NBEA: variants seen among roughly 807,000 people sequenced by gnomAD.
The protein encoded by NBEA is lysosomal-trafficking regulator 2.
A neutral mutation model predicts 343.4 loss-of-function variants in NBEA; 44 were observed. The ratio of observed to expected loss-of-function variants is 0.13; its 90% confidence interval spans 0.10 to 0.16. The LOEUF (loss-of-function observed/expected upper bound fraction) is 0.16, where lower values mean the gene tolerates loss of function less well. NBEA is among the 10% of genes least tolerant of loss of function. The pLI, the probability that NBEA is intolerant of heterozygous loss-of-function variation, is 1.00. For synonymous variants in NBEA, 1,175 were observed against 1,238.7 expected, an observed-to-expected ratio of 0.95 and a Z score of 1.08; for missense variants, 2,555 against 3,631.3, an observed-to-expected ratio of 0.70 and a Z score of 7.62.
At chr13:35,241,526 G>A (rs972078473) in intron 34 of NBEA, among the ~76,000 whole-genome samples, 4 of 151,556 alleles carry the variant, frequency 2.6e-5, no homozygotes, top group Non-Finnish European at 3.0e-5. Flanking sequence ...ATACAAAAGC[G>A]TAAAGTGTAG....
chr13:35,134,032 G>C (rs1448960512), intron 17 of NBEA, among the ~76,000 whole-genome samples: 2 of 151,990 alleles, frequency 1.3e-5, no homozygotes, highest in East Asian at 3.9e-4. Context: ...AACACAATGA[G>C]TTGAACCTGA....
At chr13:35,480,374 T>G (rs931572621) in intron 41 of NBEA, among the ~76,000 whole-genome samples, 9 of 152,060 alleles carry the variant, frequency 5.9e-5, no homozygotes, top group African/African-American at 1.9e-4. Flanking sequence ...TGATTTAAAT[T>G]TGAATTGCAT....
chr13:35,512,025 G>T (rs1160010815), intron 41 of NBEA, among the ~76,000 whole-genome samples: 1 of 152,158 alleles, frequency 6.6e-6, no homozygotes, highest in East Asian at 1.9e-4. Flanking sequence ...ACTAAGCTAT[G>T]CAGTGACTAT....
At chr13:35,453,758 C>A (rs1299994824) in intron 40 of NBEA, among the ~76,000 whole-genome samples, 3 of 152,120 alleles carry the variant, frequency 2.0e-5, no homozygotes, top group Non-Finnish European at 4.4e-5. Context: ...TATTATAAGA[C>A]TGCCCAGTAA....
intron 18 of NBEA, among the ~76,000 whole-genome samples, chr13:35,145,937 C>G (rs2068392967): frequency 6.6e-6 from 1 of 152,164 alleles, no homozygotes; most frequent in Admixed American, 6.5e-5. Context: ...TTCTTAATTA[C>G]AGGTTAGAGT....
chr13:35,641,390 C>T (rs1162938276), intron 49 of NBEA, among the ~76,000 whole-genome samples: 1 of 152,114 alleles, frequency 6.6e-6, no homozygotes, highest in Non-Finnish European at 1.5e-5. Flanking sequence ...ATCTTCTAAG[C>T]AACTTTATTC....
chr13:35,385,274 T>G (rs911256023), intron 38 of NBEA, among the ~76,000 whole-genome samples: 1 of 152,204 alleles, frequency 6.6e-6, no homozygotes, highest in Non-Finnish European at 1.5e-5. Context: ...TGTTTTAAAA[T>G]TACAGTTTTT....
chr13:35,105,018 G>A (rs923311319), intron 11 of NBEA, among the ~76,000 whole-genome samples: 11 of 151,812 alleles, frequency 7.2e-5, no homozygotes, highest in African/African-American at 2.4e-4. Flanking sequence ...TTAATGCAAG[G>A]GTATTTAAAA....
At chr13:35,154,690 G>A (rs1324634709) in intron 18 of NBEA, among the ~76,000 whole-genome samples, 1 of 152,090 alleles carries the variant, frequency 6.6e-6, no homozygotes, top group East Asian at 1.9e-4. Context: ...CATTTTAGTG[G>A]GAAAGTTAGT....
chr13:35,042,719 C>T (rs574805022), intron 2 of NBEA, among the ~76,000 whole-genome samples: 1 of 151,650 alleles, frequency 6.6e-6, no homozygotes, highest in East Asian at 1.9e-4. Context: ...TAATTTCTAG[C>T]ATTTCCCTTC....
chr13:35,042,434 A>G (rs1593558135), intron 2 of NBEA, among the ~76,000 whole-genome samples: 2 of 151,812 alleles, frequency 1.3e-5, no homozygotes, highest in East Asian at 3.8e-4. Flanking sequence ...ATAGAATATC[A>G]TATGATCTTT....
intron 38 of NBEA, among the ~76,000 whole-genome samples, chr13:35,375,097 A>G (rs1594398597): frequency 6.6e-6 from 1 of 152,100 alleles, no homozygotes; most frequent in East Asian, 1.9e-4. Flanking sequence ...TGTGCATAAG[A>G]CTGCTTTTCA....
intron 35 of NBEA, among the ~76,000 whole-genome samples, chr13:35,296,117 C>A (rs1372685145): frequency 6.6e-6 from 1 of 152,066 alleles, no homozygotes; most frequent in Non-Finnish European, 1.5e-5. Flanking sequence ...TAAGCCTGAT[C>A]GCGGTGGCTC....
At chr13:35,304,341 G>C (rs886380664) in intron 35 of NBEA, among the ~76,000 whole-genome samples, 9 of 151,828 alleles carry the variant, frequency 5.9e-5, no homozygotes, top group African/African-American at 2.2e-4. Flanking sequence ...CTGTGTGTGT[G>C]TGTGTGTGTG....
intron 4 of NBEA, among the ~76,000 whole-genome samples, chr13:35,045,707 T>TTTTTGTTTTGTTTTG (rs57585958): frequency 4.6e-5 from 7 of 150,878 alleles, no homozygotes; most frequent in Non-Finnish European, 1.0e-4. Flanking sequence ...TATACAGTGT[T>TTTTTGTTTTGTTTTG]TTTTGTTTTG....
chr13:35,519,594 A>T (rs2152991498), intron 41 of NBEA, among the ~76,000 whole-genome samples: 1 of 152,340 alleles, frequency 6.6e-6, no homozygotes, highest in African/African-American at 2.4e-5. Flanking sequence ...GTAGACATGA[A>T]TATTTCTTAC....
rs1004025411 is a variant in NBEA at position 35,622,316 on chromosome 13, A to G, written c.7450-5765A>G. On this transcript the variant is annotated intron_variant, in intron 48 of 58. Transcript: ENST00000379939. ...TGGAGGTTTGAAAGGCCTGAGTCAC[A>G]TAGGTTATGCTGGGAGGAGCAGTGG... Among the ~76,000 whole-genome samples the G allele has an allele frequency of 9.9e-5, 15 of 152,270 alleles. No individual in the cohort carries two copies. The South Asian group carries it at 1.7e-3, about 17-fold the overall frequency.
chr13:35,513,321 T>C (rs2077359693), intron 41 of NBEA, among the ~76,000 whole-genome samples: 1 of 145,164 alleles, frequency 6.9e-6, no homozygotes, highest in African/African-American at 2.5e-5. Flanking sequence ...TTTTTTTTTT[T>C]TTTTTTTTTA....
In NBEA at chr13:35,054,683, G is replaced by C. The variant is rs1369343732; in HGVS notation, c.973-1327G>C. ...TTTTGAGACAAAGTCTTGCCCTGTC[G>C]CCCAGGCTGGAGTGCAGTGGTGTGA... On this transcript the variant is annotated intron_variant, in intron 6 of 58. Coordinates refer to ENST00000379939, the MANE Select transcript of NBEA (RefSeq NM_001385012.1). Among the ~76,000 whole-genome samples, 12 of 130,692 alleles carry C rather than the reference G, an allele frequency of 9.2e-5. No homozygotes were observed. In the Admixed American group the frequency reaches 9.9e-4, roughly 11 times the overall value. The allele number at this position is 130,692 out of a possible 152,430, so 85.7% of individuals were successfully genotyped here. A position where few individuals can be genotyped will look rare whatever the true frequency, so the allele number is the denominator to read the frequency against.
Sources: gnomAD v4.1 joint callset for allele counts (sites outside exome capture counted in the v4.1 genomes callset) on GRCh38, gnomAD v4.1.1 for gene constraint, MANE v1.5 for transcripts, NCBI Gene and HGNC (gene_info 2026-07-23, HGNC 2026-07-21) for gene names.